The following LAMB4 variants were observed in gnomAD, a reference collection of about 807,000 sequenced individuals.
LAMB4 encodes the protein laminin subunit beta 4, also known as laminin subunit beta-4.
LAMB4 carries 196 observed loss-of-function variants against 199.2 expected under a neutral mutation model. The observed-to-expected ratio is 0.98, with a 90% CI of 0.88 to 1.11. The LOEUF is 1.11. Among genes scored for constraint, LAMB4 ranks in the 50% least tolerant of loss-of-function variants. LAMB4 has a pLI of 0.00. For synonymous variants in LAMB4, 744 were observed against 770.6 expected, an observed-to-expected ratio of 0.97 and a Z score of 0.57; for missense variants, 2,080 against 2,171.2, an observed-to-expected ratio of 0.96 and a Z score of 0.83.
At chr7:108,114,008 G>A (rs2038323819) in intron 3 of LAMB4, among the ~76,000 whole-genome samples, 1 of 152,154 alleles carries the variant, frequency 6.6e-6, no homozygotes, top group African/African-American at 2.4e-5. Context: ...CTCCACAGTT[G>A]GAGTTACTTC....
At chr7:108,032,745 AT>A (rs2035085805) in intron 31 of LAMB4, among the ~76,000 whole-genome samples, 1 of 151,566 alleles carries the variant, frequency 6.6e-6, no homozygotes, top group South Asian at 2.1e-4. Flanking sequence ...AGATTTTAAC[AT>A]TTCATTAAGG....
intron 29 of LAMB4, among the ~76,000 whole-genome samples, chr7:108,040,281 A>C (rs1255222325): frequency 6.6e-6 from 1 of 152,228 alleles, no homozygotes; most frequent in Non-Finnish European, 1.5e-5. Context: ...AAATGGAAAA[A>C]GATTCCATGC....
At chr7:108,035,984 G>A (rs192164214) in intron 30 of LAMB4, among the ~76,000 whole-genome samples, 466 of 150,914 alleles carry the variant, frequency 3.1e-3, no homozygotes, top group African/African-American at 0.01. Flanking sequence ...TCAGCCTCCC[G>A]AGTAGCTGGG....
At chr7:108,061,740 A>T (rs2036167110) in intron 23 of LAMB4, among the ~76,000 whole-genome samples, 1 of 92,136 alleles carries the variant, frequency 1.1e-5, no homozygotes, top group Non-Finnish European at 1.8e-5. Flanking sequence ...CTCTTGTCTC[A>T]AAAAAAAAAA....
intron 33 of LAMB4, among the ~76,000 whole-genome samples, chr7:108,027,366 A>C (rs112775040): frequency 6.6e-6 from 1 of 152,244 alleles, no homozygotes; most frequent in Admixed American, 6.5e-5. Flanking sequence ...AAGCAATTAT[A>C]TAAGTGCAAG....
In LAMB4 at chr7:108,054,007, G is replaced by A. The variant is rs74789698; in HGVS notation, c.3755+1625C>T. On this transcript the variant is annotated intron_variant, in intron 25 of 33. Coordinates refer to ENST00000388781, the MANE Select transcript of LAMB4 (RefSeq NM_007356.3). ...CTGTTAACATAGGGGTCTAGATCTTGCAACGCAGAAGTTGTATTGCTTTTT... is the reference window on the plus strand; with the variant it reads ...CTGTTAACATAGGGGTCTAGATCTTACAACGCAGAAGTTGTATTGCTTTTT... 3.2e-4 allele frequency among the ~76,000 whole-genome samples: 49 copies of A among 152,312 alleles called. No homozygotes were observed. The East Asian group carries it at 9.2e-3, about 29-fold the overall frequency.
At chr7:108,104,720 G>A in intron 8 of LAMB4, 101 bp from the exon 9 acceptor site, 1 of 1,318,218 alleles carries the variant, frequency 7.6e-7, no homozygotes, top group Non-Finnish European at 1.0e-6. Flanking sequence ...GTACCTCTCT[G>A]ATCCTTAGTT....
chr7:108,052,181 C>T lies in LAMB4; in HGVS notation c.3832G>A (p.Ala1278Thr), dbSNP rs753185686. The change falls in exon 26 of 34, where the codon GCA becomes ACA. Residue 1278 changes from alanine (A) to threonine (T), a missense_variant. Transcript: ENST00000388781. ...FQDLKDTIERAKNEADLLLED... is the reference protein window; with the variant it reads ...FQDLKDTIERTKNEADLLLED... ...AGTAAGAGGTCTGCTTCATTCTTTGCTCTTTCTATTGTATCTTTCAGATCT... is the reference window on the plus strand; with the variant it reads ...AGTAAGAGGTCTGCTTCATTCTTTGTTCTTTCTATTGTATCTTTCAGATCT... 1 of 1,612,304 alleles carries T rather than the reference C, an allele frequency of 6.2e-7. No individual in the cohort carries two copies. The highest frequency in any genetic ancestry group is 2.2e-5 in the East Asian group (1 of 44,826).
At chr7:108,112,052 A>G in intron 3 of LAMB4, 106 bp from the exon 4 acceptor site, 1 of 852,750 alleles carries the variant, frequency 1.2e-6, no homozygotes, top group South Asian at 2.4e-5. Context: ...CAAACTGGCT[A>G]AAAATAAAAG....
chr7:108,057,876 T>G lies in LAMB4; in HGVS notation c.3335A>C (p.Glu1112Ala). ...KLGYGGKRCS[E>A]CQENYYGDPP... The stretch of plus-strand genomic sequence containing the variant: ...ATCACCATAATAATTTTCCTGGCAC[T>G]CACTGCAACGTTTCCCGCCGTAACC... Residue 1112 changes from glutamate to alanine, a missense_variant, in exon 24 of 34, where the codon GAG becomes GCG. By Grantham distance (107) the Glu-to-Ala change is moderately radical. Transcript: ENST00000388781. The G allele has an allele frequency of 6.2e-7, 1 of 1,613,772 alleles. No individual in the cohort carries two copies.
intron 2 of LAMB4, 112 bp from the exon 3 acceptor site, chr7:108,116,273 G>C: frequency 9.6e-7 from 1 of 1,036,970 alleles, no homozygotes; most frequent in Non-Finnish European, 1.3e-6. Flanking sequence ...ATTGGCCAAA[G>C]ATGTATCAGA....
At chr7:108,028,953 T>C (rs534373430) in intron 33 of LAMB4, 90 bp downstream of exon 33, 1 of 1,273,100 alleles carries the variant, frequency 7.9e-7, no homozygotes, top group Non-Finnish European at 1.1e-6. Flanking sequence ...GTGATAAAAC[T>C]GTAAGCTGAC....
chr7:108,091,592 C>T, intron 14 of LAMB4, 34 bp downstream of exon 14: 1 of 1,598,242 alleles, frequency 6.3e-7, no homozygotes, highest in Non-Finnish European at 8.5e-7. Flanking sequence ...TATCATCAAA[C>T]ACAGTCTGTA....
rs1257299524 is a variant in LAMB4 at position 108,107,631 on chromosome 7, C to T, written c.591G>A (p.Glu197=). Residue 197 remains glutamate, a splice_region_variant and synonymous_variant, in exon 6 of 34, where the codon GAG becomes GAA. Transcript: ENST00000388781. ...YSDIEPSTGG[E]VVLKVLDPSF... ...ATAAATACAAGGAAGGAAATGCTAC[C>T]TCTCCACCTGTTGAGGGTTCAATAT... 1 of 1,589,112 alleles carries T rather than the reference C, an allele frequency of 6.3e-7. No individual in the cohort carries two copies. Among genetic ancestry groups the T allele is most frequent in the South Asian group, 1.2e-5 (1 of 85,986 alleles).
intron 1 of LAMB4, among the ~76,000 whole-genome samples, chr7:108,123,413 T>G (rs2038668463): frequency 6.6e-6 from 1 of 152,256 alleles, no homozygotes; most frequent in African/African-American, 2.4e-5. Flanking sequence ...ATCACAGAAT[T>G]CAATTGTTTG....
chr7:108,115,647 A>G (rs1216005795), intron 3 of LAMB4, among the ~76,000 whole-genome samples: 1 of 151,670 alleles, frequency 6.6e-6, no homozygotes, highest in East Asian at 1.9e-4. Context: ...ACAATATAAC[A>G]ATAAAAAGAA....
chr7:108,074,724 C>T (rs897111941), intron 17 of LAMB4, among the ~76,000 whole-genome samples: 3 of 152,134 alleles, frequency 2.0e-5, no homozygotes, highest in African/African-American at 7.2e-5. Context: ...ATCTATCAAA[C>T]ATCCTTGTAA....
intron 14 of LAMB4, among the ~76,000 whole-genome samples, chr7:108,089,660 A>G (rs1166793864): frequency 6.6e-6 from 1 of 152,224 alleles, no homozygotes; most frequent in Non-Finnish European, 1.5e-5. Flanking sequence ...GGTTAAGAGT[A>G]AGAGTTGTGT....
chr7:108,121,373 A>G (rs950355514), intron 2 of LAMB4, among the ~76,000 whole-genome samples: 134 of 152,332 alleles, frequency 8.8e-4, no homozygotes, highest in African/African-American at 3.1e-3. Flanking sequence ...ATGCTTTCTC[A>G]CACTTTAGAG....
Sources: gnomAD v4.1 joint callset for allele counts (sites outside exome capture counted in the v4.1 genomes callset) on GRCh38, gnomAD v4.1.1 for gene constraint, MANE v1.5 for transcripts, NCBI Gene and HGNC (gene_info 2026-07-23, HGNC 2026-07-21) for gene names.